Variants in TCF7L2 observed in about 807,000 individuals in gnomAD.
TCF7L2 encodes transcription factor 7 like 2.
Under a neutral mutation model 77.9 loss-of-function variants are expected in TCF7L2, and 23 were observed. The observed-to-expected ratio is 0.30, with a 90% CI of 0.21 to 0.42. TCF7L2 has a LOEUF of 0.42. Among genes scored for constraint, TCF7L2 ranks in the 10% least tolerant of loss-of-function variants. The pLI is 1.00. For missense variants in TCF7L2, 654 were observed against 793.1 expected (o/e 0.82, Z 2.11); for synonymous variants, 413 against 340.2 (o/e 1.21, Z -2.36).
chr10:113,165,233 A>G (rs1290775047), intron 13 of TCF7L2, among the ~76,000 whole-genome samples: 1 of 152,158 alleles, frequency 6.6e-6, no homozygotes, highest in Non-Finnish European at 1.5e-5. Flanking sequence ...AGATGCCACC[A>G]TCTGCAGGTG....
At chr10:113,103,721 C>T (rs1406049928) in intron 5 of TCF7L2, among the ~76,000 whole-genome samples, 1 of 152,090 alleles carries the variant, frequency 6.6e-6, no homozygotes, top group Non-Finnish European at 1.5e-5. Context: ...GTCTTTTGTG[C>T]GAGTGGGTGT....
chr10:113,013,847 C>A (rs2046871148), intron 4 of TCF7L2, among the ~76,000 whole-genome samples: 2 of 152,146 alleles, frequency 1.3e-5, no homozygotes, highest in East Asian at 1.9e-4. Flanking sequence ...TTATAGGGAA[C>A]CAAACAACGC....
chr10:113,008,394 A>C (rs1267995662), intron 4 of TCF7L2, among the ~76,000 whole-genome samples: 1 of 152,156 alleles, frequency 6.6e-6, no homozygotes, highest in African/African-American at 2.4e-5. Flanking sequence ...CTCTCTGCGT[A>C]GCGGCACTCA....
chr10:113,165,804 C>T lies in TCF7L2; in HGVS notation c.1641C>T (p.Ala547=), dbSNP rs2137653825. 1 of 1,604,386 alleles carries T rather than the reference C, an allele frequency of 6.2e-7. No individual in the cohort carries two copies. The highest frequency in any genetic ancestry group is 8.5e-7 in the Non-Finnish European group (1 of 1,174,494). The change falls in exon 14 of 14, where the codon GCC becomes GCT. Residue 547 remains alanine, a synonymous_variant. Transcript: ENST00000627217. Reference sequence around the variant, plus strand: ...TGCTCGCTGAGGCCACCCACAAGGCCTCCGCCCTCTGTCCCAACGGGGCCC... The same window carrying T: ...TGCTCGCTGAGGCCACCCACAAGGCTTCCGCCCTCTGTCCCAACGGGGCCC...
chr10:112,988,159 T>G (rs1382676026), intron 4 of TCF7L2, among the ~76,000 whole-genome samples: 1 of 151,606 alleles, frequency 6.6e-6, no homozygotes, highest in Non-Finnish European at 1.5e-5. Context: ...TGGAGTACAG[T>G]GGCTCTCAGC....
At position 113,117,614 on chromosome 10, in the gene TCF7L2, A is replaced by G. The variant is rs1426881669; in HGVS notation, c.553-23570A>G. Among the ~76,000 whole-genome samples the G allele has an allele frequency of 2.6e-5, 4 of 152,292 alleles. 1 individual carries two copies. The East Asian group carries it at 5.8e-4, about 22-fold the overall frequency. On this transcript the variant is annotated intron_variant, in intron 5 of 13. Coordinates refer to ENST00000627217, the MANE Select transcript of TCF7L2 (RefSeq NM_001146274.2). ...ATTTAAGGAAAAAAAGAATGATATAATTTGTCATCTTACCAGTTCTCGGCA... is the reference window on the plus strand; with the variant it reads ...ATTTAAGGAAAAAAAGAATGATATAGTTTGTCATCTTACCAGTTCTCGGCA...
chr10:113,145,572 G>A (rs1330808696), intron 7 of TCF7L2, among the ~76,000 whole-genome samples: 6 of 151,976 alleles, frequency 3.9e-5, no homozygotes, highest in Admixed American at 6.6e-5. Context: ...TTTTCTCACC[G>A]AGATCTAAAT....
chr10:113,076,256 G>A (rs2058688297), intron 5 of TCF7L2, among the ~76,000 whole-genome samples: 4 of 151,908 alleles, frequency 2.6e-5, no homozygotes, highest in Admixed American at 2.6e-4. Context: ...TCCAGCATCA[G>A]CCTCCTGAGC....
At chr10:112,958,005 G>A (rs2034117967) in intron 3 of TCF7L2, among the ~76,000 whole-genome samples, 1 of 152,174 alleles carries the variant, frequency 6.6e-6, no homozygotes. Flanking sequence ...CAGGCCGAAA[G>A]GTTTTCTTTT....
At chr10:113,019,646 T>C (rs966441340) in intron 4 of TCF7L2, among the ~76,000 whole-genome samples, 4 of 151,182 alleles carry the variant, frequency 2.6e-5, no homozygotes, top group African/African-American at 9.7e-5. Flanking sequence ...AAATAATGTT[T>C]AGAGACAAAA....
chr10:113,074,960 T>G (rs2058526120), intron 5 of TCF7L2, among the ~76,000 whole-genome samples: 1 of 152,206 alleles, frequency 6.6e-6, no homozygotes, highest in Non-Finnish European at 1.5e-5. Flanking sequence ...TCAGCTTTAA[T>G]GTGTTCATTG....
intron 5 of TCF7L2, among the ~76,000 whole-genome samples, chr10:113,085,226 ATT>A (rs397702488): frequency 4.2e-4 from 58 of 139,638 alleles, no homozygotes; most frequent in Non-Finnish European, 4.4e-4. Context: ...ACATCTGGCT[ATT>A]TTTTTTTTTT....
intron 5 of TCF7L2, among the ~76,000 whole-genome samples, chr10:113,071,846 C>A (rs980932458): frequency 6.6e-6 from 1 of 152,106 alleles, no homozygotes; most frequent in Non-Finnish European, 1.5e-5. Context: ...TGGAGGACTC[C>A]CCCCCACCCC....
At chr10:113,147,799 G>A (rs189034788) in intron 8 of TCF7L2, among the ~76,000 whole-genome samples, 80 of 152,222 alleles carry the variant, frequency 5.3e-4, no homozygotes, top group African/African-American at 1.6e-3. Flanking sequence ...ATAGGGATTG[G>A]GGTTAAGCTG....
chr10:112,951,539 T>A lies in TCF7L2; in HGVS notation c.313T>A (p.Phe105Ile). The A allele has an allele frequency of 7.0e-7, 1 of 1,421,580 alleles. No homozygotes were observed. Among genetic ancestry groups the A allele is most frequent in the Non-Finnish European group, 9.4e-7 (1 of 1,064,084 alleles). 88.1% of individuals were successfully genotyped at this position (1,421,580 alleles called of 1,614,324 possible). Residue 105 changes from phenylalanine to isoleucine, a missense_variant, in exon 3 of 14, where the codon TTC (phenylalanine) becomes ATC (isoleucine). Phe to Ile is a conservative substitution (Grantham distance 21). This residue lies in a region of TCF7L2 where 132 missense variants were observed against 123.7 expected (regional missense o/e 1.07). Transcript: ENST00000627217. ...GGGGCCACCGTATCCCGGCTACCCC[T>A]TCATCATGATCCCCGACCTGACGAG...
At chr10:112,970,050 C>A (rs2037895036) in intron 4 of TCF7L2, among the ~76,000 whole-genome samples, 1 of 151,994 alleles carries the variant, frequency 6.6e-6, no homozygotes, top group African/African-American at 2.4e-5. Flanking sequence ...GCGTTTTGGC[C>A]AAAGGTTAAT....
chr10:113,092,437 T>C (rs1236080369), intron 5 of TCF7L2, among the ~76,000 whole-genome samples: 1 of 152,240 alleles, frequency 6.6e-6, no homozygotes, highest in African/African-American at 2.4e-5. Flanking sequence ...GGGCTCAGAC[T>C]GGTGCAGGCA....
intron 5 of TCF7L2, among the ~76,000 whole-genome samples, chr10:113,106,715 T>C (rs145161568): frequency 3.7e-4 from 57 of 152,362 alleles, no homozygotes; most frequent in African/African-American, 1.3e-3. Flanking sequence ...TAGCGATACA[T>C]AGACAATCAG....
chr10:112,969,086 TA>T (rs1192195696), intron 4 of TCF7L2, among the ~76,000 whole-genome samples: 1 of 152,204 alleles, frequency 6.6e-6, no homozygotes, highest in Non-Finnish European at 1.5e-5. Flanking sequence ...TAACTTCTGA[TA>T]AAGAGCTCCC....
Sources: allele counts gnomAD v4.1 joint callset (sites outside exome capture counted in the v4.1 genomes callset), GRCh38; gene constraint gnomAD v4.1.1; regional missense constraint gnomAD v4.1.1; transcripts MANE v1.5; gene names NCBI Gene and HGNC (gene_info 2026-07-23, HGNC 2026-07-21).